The following PBX3 variants were observed in gnomAD, a reference collection of about 807,000 sequenced individuals.
The protein encoded by PBX3 is PBX homeobox 3.
A neutral mutation model predicts 48.5 loss-of-function variants in PBX3; 14 were observed. That is an observed-to-expected ratio of 0.29 (90% CI 0.19 to 0.45). The LOEUF is 0.45. Among genes scored for constraint, PBX3 ranks in the 20% least tolerant of loss-of-function variants. The pLI is 1.00. For missense variants in PBX3, 386 were observed against 546.7 expected (o/e 0.71, Z 2.93); for synonymous variants, 210 against 200.3 (o/e 1.05, Z -0.41).
chr9:125,935,313 G>A (rs948544616), intron 4 of PBX3, among the ~76,000 whole-genome samples, 159 bp from the exon 5 acceptor site: 24 of 152,276 alleles, frequency 1.6e-4, no homozygotes, highest in African/African-American at 5.8e-4. Flanking sequence ...ATGCCTTGGA[G>A]GATGTCTAGA....
At chr9:125,781,669 A>G (rs1391573427) in intron 2 of PBX3, among the ~76,000 whole-genome samples, 1 of 151,714 alleles carries the variant, frequency 6.6e-6, no homozygotes, top group Non-Finnish European at 1.5e-5. Context: ...GATTCTTTCT[A>G]TTGTTTTTCT....
chr9:125,795,907 A>C (rs1229613985), intron 2 of PBX3, among the ~76,000 whole-genome samples: 2 of 152,190 alleles, frequency 1.3e-5, no homozygotes, highest in Non-Finnish European at 2.9e-5. Flanking sequence ...TTGTACATAT[A>C]TTGAGAAGTT....
rs372548249 is a variant in PBX3, at chr9:125,748,585, C to G, written c.236C>G (p.Ala79Gly). Reference sequence around the variant, plus strand: ...CTGAACTGTCACAGAATGAAACCAGCGCTCTTCAGCGTCCTGTGTGAGATC... The same window carrying G: ...CTGAACTGTCACAGAATGAAACCAGGGCTCTTCAGCGTCCTGTGTGAGATC... ...HALNCHRMKP[A>G]LFSVLCEIKE... The change falls in exon 2 of 9, where the codon GCG (alanine) becomes GGG (glycine). Residue 79 changes from alanine to glycine, a missense_variant. Ala to Gly is a moderately conservative substitution (Grantham distance 60). Around this residue, in one of 4 missense-constraint regions of PBX3, gnomAD observed 69 missense variants for 99.1 expected, o/e 0.70. Coordinates refer to ENST00000373489, the MANE Select transcript of PBX3 (RefSeq NM_006195.6). 1.1e-5 allele frequency: 18 copies of G among 1,613,548 alleles called. No individual in the cohort carries two copies. Among genetic ancestry groups the G allele is most frequent in the Non-Finnish European group, 1.5e-5 (18 of 1,179,868 alleles).
At chr9:125,824,240 T>C (rs1011160449) in intron 2 of PBX3, among the ~76,000 whole-genome samples, 4 of 152,204 alleles carry the variant, frequency 2.6e-5, no homozygotes, top group Non-Finnish European at 4.4e-5. Context: ...GATTGTGGTT[T>C]GATTTGTAGA....
At chr9:125,866,608 A>G (rs917231841) in intron 2 of PBX3, among the ~76,000 whole-genome samples, 2 of 152,350 alleles carry the variant, frequency 1.3e-5, no homozygotes, top group East Asian at 3.8e-4. Context: ...GAGGAATGAG[A>G]AAGGACCAGA....
intron 2 of PBX3, among the ~76,000 whole-genome samples, chr9:125,769,189 G>A (rs1836878026): frequency 6.6e-6 from 1 of 152,170 alleles, no homozygotes; most frequent in African/African-American, 2.4e-5. Context: ...AGTGCCTAGT[G>A]GTAAAGAATA....
In PBX3 at chr9:125,935,511, C is replaced by A. The variant is rs774844882; in HGVS notation, c.747C>A (p.Ile249=). The change falls in exon 5 of 9, where the codon ATC becomes ATA. Residue 249 remains isoleucine (I), a synonymous_variant. Transcript: ENST00000373489. ...RRNFSKQATE[I]LNEYFYSHLS... ...ACTTCAGTAAACAGGCCACAGAAATCTTGAATGAATATTTTTACTCACACC... is the reference window on the plus strand; with the variant it reads ...ACTTCAGTAAACAGGCCACAGAAATATTGAATGAATATTTTTACTCACACC... 2.5e-6 allele frequency: 4 copies of A among 1,613,638 alleles called. No homozygotes were observed. Among genetic ancestry groups the A allele is most frequent in the Non-Finnish European group, 3.4e-6 (4 of 1,179,646 alleles).
At chr9:125,790,543 C>T (rs753403061) in intron 2 of PBX3, among the ~76,000 whole-genome samples, 156 of 151,340 alleles carry the variant, frequency 1.0e-3, no homozygotes, top group Admixed American at 1.3e-3. Flanking sequence ...TATGAGCCAC[C>T]GTGCCTGGCC....
chr9:125,823,694 T>A (rs989985016), intron 2 of PBX3, among the ~76,000 whole-genome samples: 26 of 152,186 alleles, frequency 1.7e-4, no homozygotes, highest in African/African-American at 6.3e-4. Flanking sequence ...TATCTTGGGG[T>A]TTAGAAGACA....
rs1842445008 is a variant in PBX3 at position 125,962,194 on chromosome 9, G to A, written c.1102G>A (p.Gly368Arg). The A allele has an allele frequency of 6.2e-7, 1 of 1,605,714 alleles. No individual in the cohort carries two copies. Among genetic ancestry groups the A allele is most frequent in the Non-Finnish European group, 8.5e-7 (1 of 1,172,492 alleles). Residue 368 changes from glycine to arginine, a missense_variant, in exon 7 of 9, where the codon GGA (glycine) becomes AGA (arginine). This residue lies in a region of PBX3 where 127 missense variants were observed against 143.3 expected (regional missense o/e 0.89). Transcript: ENST00000373489. ...NGDSYQGSQV[G>R]ANVQSQVDTL... ...GGATTCTTACCAAGGGTCCCAAGTCGGAGCCAATGTGCAATCACAGGTAGG... is the reference window on the plus strand; with the variant it reads ...GGATTCTTACCAAGGGTCCCAAGTCAGAGCCAATGTGCAATCACAGGTAGG...
chr9:125,949,458 CCCTGAAGGTATGAGCCAGGGAGGG>C lies in PBX3; in HGVS notation c.844-11225_844-11202del, dbSNP rs1409169254. 28 of 1,550,570 alleles carry C rather than the reference CCCTGAAGGTATGAGCCAGGGAGGG, an allele frequency of 1.8e-5. No individual in the cohort carries two copies. In the East Asian group the frequency reaches 6.6e-4, roughly 37 times the overall value. On this transcript the variant is annotated intron_variant, in intron 5 of 8. Coordinates refer to ENST00000373489, the MANE Select transcript of PBX3 (RefSeq NM_006195.6). ...CTAGCGTGGTAAGTATTCACAGGCTCCCTGAAGGTATGAGCCAGGGAGGGGCATGAGGGTGTGTCTGTTCTTAGT... is the reference window on the plus strand; with the variant it reads ...CTAGCGTGGTAAGTATTCACAGGCTCGCATGAGGGTGTGTCTGTTCTTAGT...
chr9:125,748,644 G>A (rs1836278028), intron 2 of PBX3, 21 bp downstream of exon 2: 5 of 1,608,114 alleles, frequency 3.1e-6, no homozygotes, highest in Non-Finnish European at 4.3e-6. Flanking sequence ...GCGCCCCGCA[G>A]TGGGCCTGGA....
rs563365269 is a variant in PBX3 at position 125,766,724 on chromosome 9, A to C, written c.274+18101A>C. On this transcript the variant is annotated intron_variant, in intron 2 of 8. Coordinates refer to ENST00000373489, the MANE Select transcript of PBX3 (RefSeq NM_006195.6). The stretch of plus-strand genomic sequence containing the variant: ...TTAATGATTGATTTATATTCATTTT[A>C]GACTGTACAGTTTCCTAGCTGAGTT... Among the ~76,000 whole-genome samples the C allele has an allele frequency of 2.6e-5, 4 of 152,282 alleles. No homozygotes were observed. In the South Asian group the frequency reaches 8.3e-4, roughly 32 times the overall value.
At chr9:125,936,947 G>C (rs1797489828) in intron 5 of PBX3, among the ~76,000 whole-genome samples, 1 of 152,154 alleles carries the variant, frequency 6.6e-6, no homozygotes, top group Non-Finnish European at 1.5e-5. Flanking sequence ...TTTCAAGTAG[G>C]ATTTTATGAC....
At chr9:125,842,515 C>CAGTTAAAAAAATGTTTTTCTTG (rs1214009859) in intron 2 of PBX3, among the ~76,000 whole-genome samples, 1 of 152,124 alleles carries the variant, frequency 6.6e-6, no homozygotes, top group Non-Finnish European at 1.5e-5. Flanking sequence ...ATAGCAGCTT[C>CAGTTAAAAAAATGTTTTTCTTG]AGTTAAAAAA....
At chr9:125,896,949 C>A (rs1430990338) in intron 2 of PBX3, among the ~76,000 whole-genome samples, 2 of 151,860 alleles carry the variant, frequency 1.3e-5, no homozygotes, top group African/African-American at 2.4e-5. Context: ...CTTTCCTGTT[C>A]ATCTATAATT....
chr9:125,840,774 T>C (rs1256279291), intron 2 of PBX3, among the ~76,000 whole-genome samples: 1 of 152,056 alleles, frequency 6.6e-6, no homozygotes, highest in East Asian at 1.9e-4. Context: ...TACAGAGTTA[T>C]TTCTTCTTTC....
At chr9:125,898,197 T>C (rs762771712) in intron 2 of PBX3, among the ~76,000 whole-genome samples, 1 of 151,694 alleles carries the variant, frequency 6.6e-6, no homozygotes, top group Non-Finnish European at 1.5e-5. Flanking sequence ...ATTTATCAGT[T>C]GGAAGCTACT....
At chr9:125,833,458 C>T (rs962099996) in intron 2 of PBX3, among the ~76,000 whole-genome samples, 3 of 151,646 alleles carry the variant, frequency 2.0e-5, no homozygotes, top group African/African-American at 7.3e-5. Context: ...CACTGCACTC[C>T]AGCCTGGGCC....
Sources: allele counts gnomAD v4.1 joint callset (sites outside exome capture counted in the v4.1 genomes callset), GRCh38; gene constraint gnomAD v4.1.1; regional missense constraint gnomAD v4.1.1; transcripts MANE v1.5; gene names NCBI Gene and HGNC (gene_info 2026-07-23, HGNC 2026-07-21).